The following ELF4 variants were observed in gnomAD, a reference collection of about 807,000 sequenced individuals.
The protein encoded by ELF4 is ETS-related transcription factor Elf-4.
A neutral mutation model predicts 31.7 loss-of-function variants in ELF4; 10 were observed. That is an observed-to-expected ratio of 0.32 (90% CI 0.19 to 0.54). The LOEUF (loss-of-function observed/expected upper bound fraction) is 0.54. Among genes scored for constraint, ELF4 ranks in the 20% least tolerant of loss-of-function variants. The probability of loss-of-function intolerance (pLI) is 0.95; values close to 1 mark genes in which losing one functional copy is unlikely to be tolerated. For missense variants in ELF4, 418 were observed against 522.0 expected (o/e 0.80, Z 1.94); for synonymous variants, 208 against 226.7 (o/e 0.92, Z 0.74).
chrX:130,065,743 G>T lies in ELF4; in HGVS notation c.*978C>A, dbSNP rs1202504663. On this transcript the variant is annotated 3_prime_UTR_variant, in exon 9 of 9. Coordinates refer to ENST00000308167, the MANE Select transcript of ELF4 (RefSeq NM_001421.4). The stretch of plus-strand genomic sequence containing the variant: ...AAGGCTATTGTCTGGCGGGGGGCCG[G>T]TATCACACAAACAGCCCAAGCCCTA... 2 of 174,617 alleles carry T rather than the reference G, an allele frequency of 1.1e-5. No homozygotes were observed. Among genetic ancestry groups the T allele is most frequent in the African/African-American group, 5.9e-5 (2 of 34,100 alleles). The allele number at this position is 174,617 out of a possible 1,213,427, so 14.4% of individuals were successfully genotyped here.
intron 1 of ELF4, among the ~76,000 whole-genome samples, chrX:130,107,339 T>C (rs968638877): frequency 3.6e-5 from 4 of 110,882 alleles, no homozygotes; most frequent in Non-Finnish European, 7.6e-5. Context: ...TTCACCCAAA[T>C]CCTAGGGCAA....
At chrX:130,107,047 G>A (rs990028456) in intron 1 of ELF4, among the ~76,000 whole-genome samples, 32 of 112,084 alleles carry the variant, frequency 2.9e-4, no homozygotes, top group African/African-American at 1.0e-3. Context: ...AGGCCAAGAC[G>A]GGCGGATCAC....
upstream of ELF4, among the ~76,000 whole-genome samples, chrX:130,111,785 G>T (rs1933494344): frequency 8.9e-6 from 1 of 112,236 alleles, no homozygotes. Flanking sequence ...AGCCACTCAG[G>T]CACGCTCCCC....
Position 130,067,507 on chromosome X carries a change from G to T in ELF4, c.1206C>A (p.Ser402Arg), listed in dbSNP as rs369843091. 5.0e-6 allele frequency: 6 copies of T among 1,210,483 alleles called. No individual in the cohort carries two copies. In the African/African-American group the frequency reaches 7.0e-5, roughly 14 times the overall value. ...TKAVSASSVPSNIHLGVAPVG... is the reference protein window; with the variant it reads ...TKAVSASSVPRNIHLGVAPVG... ...CGGGGGCCACTCCTAGGTGGATGTT[G>T]CTGGGCACTGAAGATGCACTGAGAA... Residue 402 changes from serine (S) to arginine (R), a missense_variant, in exon 9 of 9, where the codon AGC (serine) becomes AGA (arginine). This residue lies in a region of ELF4 where 260 missense variants were observed against 269.2 expected (regional missense o/e 0.97). Transcript: ENST00000308167.
chrX:130,072,472 C>A, intron 4 of ELF4, 55 bp from the exon 5 acceptor site: 1 of 1,159,207 alleles, frequency 8.6e-7, no homozygotes, highest in Non-Finnish European at 1.2e-6. Flanking sequence ...GGAGCGGGGT[C>A]TCCCAGCGCT....
chrX:130,076,232 C>T (rs1932833513), intron 2 of ELF4, among the ~76,000 whole-genome samples: 1 of 110,854 alleles, frequency 9.0e-6, no homozygotes, highest in Non-Finnish European at 1.9e-5. Flanking sequence ...TTTAAAAAAA[C>T]TCCATATAGA....
intron 1 of ELF4, among the ~76,000 whole-genome samples, chrX:130,090,767 T>C: frequency 8.9e-6 from 1 of 112,311 alleles, no homozygotes; most frequent in Non-Finnish European, 1.9e-5. Context: ...TTTTTAATGA[T>C]TGGGAAAAAT....
chrX:130,087,091 C>G (rs1932973331), intron 1 of ELF4, among the ~76,000 whole-genome samples: 1 of 112,969 alleles, frequency 8.9e-6, no homozygotes, highest in Non-Finnish European at 1.9e-5. Context: ...ATTTCCCCAG[C>G]TGCTCTGAGA....
At position 130,066,812 on chromosome X, in the gene ELF4, G is replaced by T; in HGVS notation, c.1901C>A (p.Ser634Tyr). Reference protein sequence around the residue: ...LLMAEPSVTTSGSLLTRSPTP... With the variant: ...LLMAEPSVTTYGSLLTRSPTP... Reference sequence around the variant, plus strand: ...GGGGGATCTTGTCAGAAGGCTCCCAGATGTGGTCACACTAGGCTCAGCCAT... The same window carrying T: ...GGGGGATCTTGTCAGAAGGCTCCCATATGTGGTCACACTAGGCTCAGCCAT... Residue 634 changes from serine to tyrosine, a missense_variant, in exon 9 of 9, where the codon TCT (serine) becomes TAT (tyrosine). This residue lies in a region of ELF4 where 260 missense variants were observed against 269.2 expected (regional missense o/e 0.97). Transcript: ENST00000308167. The T allele has an allele frequency of 8.3e-7, 1 of 1,209,610 alleles. No individual in the cohort carries two copies. Among genetic ancestry groups the T allele is most frequent in the East Asian group, 3.0e-5 (1 of 33,828 alleles).
chrX:130,109,726 T>G (rs1469057075), intron 1 of ELF4, among the ~76,000 whole-genome samples: 1 of 111,227 alleles, frequency 9.0e-6, no homozygotes, highest in African/African-American at 3.3e-5. Flanking sequence ...CCCCGCACGG[T>G]GCGGCTGCTG....
intron 2 of ELF4, 100 bp downstream of exon 2, chrX:130,081,156 T>C: frequency 2.1e-6 from 2 of 975,396 alleles, no homozygotes; most frequent in Admixed American, 2.2e-5. Flanking sequence ...GCTGATTGGC[T>C]AGCTGTGCAG....
intron 1 of ELF4, among the ~76,000 whole-genome samples, chrX:130,087,322 C>A (rs921906658): frequency 8.9e-5 from 10 of 112,509 alleles, no homozygotes; most frequent in Non-Finnish European, 1.1e-4. Context: ...ATCCTAAGAT[C>A]ATCGGCTTTC....
chrX:130,100,749 G>A (rs1381849015), intron 1 of ELF4, among the ~76,000 whole-genome samples: 5 of 111,446 alleles, frequency 4.5e-5, no homozygotes, highest in Middle Eastern at 4.6e-3. Flanking sequence ...ATTATTTCAC[G>A]TGTATCTCTT....
chrX:130,098,652 ACCACTG>A (rs1933193034), intron 1 of ELF4, among the ~76,000 whole-genome samples: 1 of 112,069 alleles, frequency 8.9e-6, no homozygotes, highest in Admixed American at 9.5e-5. Flanking sequence ...GCCAGACCTA[ACCACTG>A]AGCGAGCTAA....
chrX:130,097,168 C>T (rs1177601741), intron 1 of ELF4, among the ~76,000 whole-genome samples: 3 of 105,016 alleles, frequency 2.9e-5, no homozygotes, highest in African/African-American at 7.0e-5. Context: ...CCGGGTGCGG[C>T]GGCTCACACC....
chrX:130,104,429 C>T (rs144441652), intron 1 of ELF4, among the ~76,000 whole-genome samples: 1 of 110,880 alleles, frequency 9.0e-6, no homozygotes, highest in African/African-American at 3.3e-5. Context: ...ATGCCCTGCC[C>T]GCATTGCCGA....
chrX:130,067,266 G>C lies in ELF4; in HGVS notation c.1447C>G (p.Leu483Val). The C allele has an allele frequency of 8.2e-7, 1 of 1,212,273 alleles. No individual in the cohort carries two copies. Among genetic ancestry groups the C allele is most frequent in the Non-Finnish European group, 1.1e-6 (1 of 895,528 alleles). The stretch of plus-strand genomic sequence containing the variant: ...GCCAGAAGTTGGGGGAGGCCACTGA[G>C]AATCAGTGGAGCCCCTGGGGCTGCC... Reference protein sequence around the residue: ...QVAAPGAPLILSGLPQLLAGA... With the variant: ...QVAAPGAPLIVSGLPQLLAGA... Residue 483 changes from leucine to valine, a missense_variant, in exon 9 of 9, where the codon CTC becomes GTC. By Grantham distance (32) the Leu-to-Val change is conservative. Coordinates refer to ENST00000308167, the MANE Select transcript of ELF4 (RefSeq NM_001421.4).
At position 130,066,550 on chromosome X, in the gene ELF4, T is replaced by C; in HGVS notation, c.*171A>G. Reference sequence around the variant, plus strand: ...GGCCATAGTCTGATGCCAGGGATGCTTAAGCTGGGCACTGTTTGGCCACAG... The same window carrying C: ...GGCCATAGTCTGATGCCAGGGATGCCTAAGCTGGGCACTGTTTGGCCACAG... On this transcript the variant is annotated 3_prime_UTR_variant, in exon 9 of 9. Transcript: ENST00000308167. 1.9e-6 allele frequency: 1 copy of C among 523,130 alleles called. No individual in the cohort carries two copies. Among genetic ancestry groups the C allele is most frequent in the Non-Finnish European group, 3.3e-6 (1 of 305,357 alleles). The allele number at this position is 523,130 out of a possible 1,213,427, so 43.1% of individuals were successfully genotyped here. A position where few individuals can be genotyped will look rare whatever the true frequency, so the allele number is the denominator to read the frequency against.
chrX:130,108,817 C>CA (rs1191149927), intron 1 of ELF4, among the ~76,000 whole-genome samples: 1 of 109,725 alleles, frequency 9.1e-6, no homozygotes, highest in Admixed American at 9.7e-5. Flanking sequence ...TGGTCCCCCC[C>CA]ACCCCTGCCC....
Sources: allele counts gnomAD v4.1 joint callset (sites outside exome capture counted in the v4.1 genomes callset), GRCh38; gene constraint gnomAD v4.1.1; regional missense constraint gnomAD v4.1.1; transcripts MANE v1.5; gene names NCBI Gene and HGNC (gene_info 2026-07-23, HGNC 2026-07-21).